INPP5B: variants seen among roughly 807,000 people sequenced by gnomAD.
INPP5B encodes inositol polyphosphate-5-phosphatase B.
In INPP5B, 90 loss-of-function variants were observed where a neutral mutation model predicts 118.5. The ratio of observed to expected loss-of-function variants is 0.76; its 90% CI spans 0.64 to 0.90. The LOEUF (loss-of-function observed/expected upper bound fraction) is 0.90, where lower values mean the gene tolerates loss of function less well. Among genes scored for constraint, INPP5B ranks in the 40% least tolerant of loss-of-function variants. The pLI, the probability that INPP5B is intolerant of heterozygous loss-of-function variation, is 0.00. For missense variants in INPP5B, 984 were observed against 1,125.6 expected (o/e 0.87, Z 1.80); for synonymous variants, 385 against 418.9 (o/e 0.92, Z 0.99).
Position 37,931,906 on chromosome 1 carries a change from T to C in INPP5B, c.532+7A>G. 6.2e-7 allele frequency: 1 copy of C among 1,613,986 alleles called. No individual in the cohort carries two copies. Among genetic ancestry groups the C allele is most frequent in the Non-Finnish European group, 8.5e-7 (1 of 1,180,036 alleles). ...TCCCCACCGTTTCTTCCGGGACGGA[T>C]ACCTGCCTCCGCCAATTGTCGCGTA... On this transcript the variant is annotated splice_region_variant and intron_variant, in intron 7 of 23. Coordinates refer to ENST00000373024, the MANE Select transcript of INPP5B (RefSeq NM_005540.3).
rs539109150 is a variant in INPP5B, at chr1:37,875,548, G to A, written c.1788+58C>T. ...CTCCCAAAGTGCTGGGATTACAGGC[G>A]TGAGCCACTGCACCCGGCCTGAGCC... On this transcript the variant is annotated intron_variant, in intron 17 of 23. Transcript: ENST00000373024. 24 of 1,342,126 alleles carry A rather than the reference G, an allele frequency of 1.8e-5. No individual in the cohort carries two copies. The Admixed American group carries it at 1.9e-4, about 11-fold the overall frequency. 83.1% of individuals were successfully genotyped at this position (1,342,126 alleles called of 1,614,324 possible). A position where few individuals can be genotyped will look rare whatever the true frequency, so the allele number is the denominator to read the frequency against.
chr1:37,880,238 G>A lies in INPP5B; in HGVS notation c.1432-44C>T, dbSNP rs755631150. ...GAAAAAAAAATATCAGAATAAAAAG[G>A]TCAAACTTTGAATTAGTGGAGAAAA... is the stretch of plus-strand genomic sequence containing the variant. On this transcript the variant is annotated intron_variant, in intron 14 of 23. Transcript: ENST00000373024. 11 of 1,428,654 alleles carry A rather than the reference G, an allele frequency of 7.7e-6. 1 individual carries two copies. The South Asian group carries it at 1.3e-4, about 17-fold the overall frequency. 88.5% of individuals were successfully genotyped at this position (1,428,654 alleles called of 1,614,324 possible). A position where few individuals can be genotyped will look rare whatever the true frequency, so the allele number is the denominator to read the frequency against.
intron 7 of INPP5B, among the ~76,000 whole-genome samples, chr1:37,899,409 C>T (rs1644246642): frequency 6.6e-6 from 1 of 150,876 alleles, no homozygotes; most frequent in Non-Finnish European, 1.5e-5. Flanking sequence ...ACTTAAAATA[C>T]AAAATAGCCA....
rs757917377 is a variant in INPP5B at position 37,887,424 on chromosome 1, TGAAA to T, written c.937_940del (p.Phe313ThrfsTer26). 6.2e-7 allele frequency: 1 copy of T among 1,613,272 alleles called. No individual in the cohort carries two copies. The highest frequency in any genetic ancestry group is 1.7e-4 in the Middle Eastern group (1 of 6,060). ...CCACTCTTCCTCCTTTGGGGTATCG[TGAAA>T]GAAAAAAGCTTCCTTACTCAGATCA... On this transcript the variant is annotated frameshift_variant, in exon 11 of 24. Coordinates refer to ENST00000373024, the MANE Select transcript of INPP5B (RefSeq NM_005540.3). LOFTEE classifies it high-confidence loss of function.
chr1:37,894,882 C>G (rs373105402), intron 7 of INPP5B, among the ~76,000 whole-genome samples: 2 of 152,298 alleles, frequency 1.3e-5, no homozygotes, highest in Admixed American at 1.3e-4. Context: ...CATCCAAGTT[C>G]AAGTCTGTAG....
rs373428823 is a variant in INPP5B at position 37,874,101 on chromosome 1, G to A, written c.1843C>T (p.His615Tyr). ...AAATGACAGGGTACTTGTCCATTAT[G>A]AATTGTAAAGGATTCTACTTTCAAT... The part of the protein sequence containing the change: ...MQLKVESFTI[H>Y]NGQVPCHFEF... The change falls in exon 18 of 24, where the codon CAT (histidine) becomes TAT (tyrosine). Residue 615 changes from histidine (H) to tyrosine (Y), a missense_variant. This residue lies in a region of INPP5B where 634 missense variants were observed against 791.0 expected (regional missense o/e 0.80). Coordinates refer to ENST00000373024, the MANE Select transcript of INPP5B (RefSeq NM_005540.3). 5.3e-5 allele frequency: 85 copies of A among 1,602,906 alleles called. No individual in the cohort carries two copies. Among genetic ancestry groups the A allele is most frequent in the Admixed American group, 3.3e-4 (20 of 59,818 alleles).
chr1:37,882,993 A>C (rs1358369917), intron 13 of INPP5B, 75 bp from the exon 14 acceptor site: 9 of 1,569,892 alleles, frequency 5.7e-6, no homozygotes. Context: ...GCTTCTGACA[A>C]AGGCCCCTGA....
chr1:37,864,478 G>T, intron 22 of INPP5B, 55 bp from the exon 23 acceptor site: 1 of 1,034,908 alleles, frequency 9.7e-7, no homozygotes, highest in Non-Finnish European at 1.5e-6. Flanking sequence ...TTTCTCAAGT[G>T]CCTACTATAG....
At position 37,907,800 on chromosome 1, in the gene INPP5B, G is replaced by A. The variant is rs940464513; in HGVS notation, c.533-16346C>T. 5.9e-5 allele frequency among the ~76,000 whole-genome samples: 9 copies of A among 152,136 alleles called. No homozygotes were observed. Among genetic ancestry groups the A allele is most frequent in the African/African-American group, 1.9e-4 (8 of 41,438 alleles). On this transcript the variant is annotated intron_variant, in intron 7 of 23. Coordinates refer to ENST00000373024, the MANE Select transcript of INPP5B (RefSeq NM_005540.3). The surrounding 1 kb of genome is among the most constrained non-coding windows in gnomAD (Gnocchi z 4.3). ...GTTACCCTATATGGTCTAAAAAGGG[G>A]AGGCATGAATAATCTGTCAGGCCTC... is the stretch of plus-strand genomic sequence containing the variant.
intron 7 of INPP5B, chr1:37,930,492 A>G (rs1450199107): frequency 2.0e-5 from 3 of 152,284 alleles, no homozygotes; most frequent in Non-Finnish European, 4.4e-5. Context: ...TCCTCCGCCA[A>G]TTGTCTGGAT....
At chr1:37,944,162 G>A (rs932130023) in intron 3 of INPP5B, among the ~76,000 whole-genome samples, 1 of 152,124 alleles carries the variant, frequency 6.6e-6, no homozygotes, top group African/African-American at 2.4e-5. Context: ...TCTAACCATG[G>A]TGCATTCTAG....
chr1:37,916,695 C>T (rs1379698154), intron 7 of INPP5B, among the ~76,000 whole-genome samples: 1 of 152,102 alleles, frequency 6.6e-6, no homozygotes, highest in Non-Finnish European at 1.5e-5. Flanking sequence ...GGATTACAGG[C>T]GTGAACCACT....
At chr1:37,892,540 G>A (rs1006837006) in intron 7 of INPP5B, among the ~76,000 whole-genome samples, 1 of 152,144 alleles carries the variant, frequency 6.6e-6, no homozygotes, top group African/African-American at 2.4e-5. Flanking sequence ...CCCAAGTTAT[G>A]GGAAGGAGCT....
chr1:37,940,575 G>A (rs993853536), intron 6 of INPP5B, 113 bp downstream of exon 6: 12 of 651,954 alleles, frequency 1.8e-5, no homozygotes, highest in Middle Eastern at 2.8e-4. Flanking sequence ...CAGCAGCTTC[G>A]AAAGGACACA....
intron 16 of INPP5B, 25 bp from the exon 17 acceptor site, chr1:37,875,741 A>G: frequency 6.4e-7 from 1 of 1,563,918 alleles, no homozygotes; most frequent in Non-Finnish European, 8.8e-7. Context: ...TCAGAGACTG[A>G]GTACCTTGGC....
intron 19 of INPP5B, chr1:37,870,065 C>T (rs1445933128): frequency 1.3e-5 from 2 of 150,936 alleles, no homozygotes; most frequent in Admixed American, 6.6e-5. Flanking sequence ...ATTGACCTAC[C>T]GATGATGATT....
At position 37,889,653 on chromosome 1, in the gene INPP5B, T is replaced by C. The variant is rs747202207; in HGVS notation, c.701A>G (p.His234Arg). 28 of 1,613,820 alleles carry C rather than the reference T, an allele frequency of 1.7e-5. No individual in the cohort carries two copies. Among genetic ancestry groups the C allele is most frequent in the Admixed American group, 6.7e-5 (4 of 59,998 alleles). Residue 234 changes from histidine to arginine, a missense_variant, in exon 9 of 24, where the codon CAT becomes CGT. Transcript: ENST00000373024. ...SSTITVSDKAHILSMQKFGLR... is the reference protein window; with the variant it reads ...SSTITVSDKARILSMQKFGLR... ...TCCAAACTTCTGCATGGATAAAATATGAGCCTTGTCCGACACTGTGATAGT... is the reference window on the plus strand; with the variant it reads ...TCCAAACTTCTGCATGGATAAAATACGAGCCTTGTCCGACACTGTGATAGT...
chr1:37,932,155 A>T (rs899272867), intron 6 of INPP5B, 102 bp from the exon 7 acceptor site: 1 of 960,072 alleles, frequency 1.0e-6, no homozygotes, highest in Non-Finnish European at 1.4e-6. Context: ...TCTCCCGCGC[A>T]CAGAAGGGTT....
At position 37,862,298 on chromosome 1, in the gene INPP5B, T is replaced by C; in HGVS notation, c.*17A>G. ...TGGTAATTGGCAGCCTCAAGTAAAA[T>C]AGGAGGAGAGAGAGGCTCAGAGTGG... On this transcript the variant is annotated 3_prime_UTR_variant, in exon 24 of 24. Transcript: ENST00000373024. 4.5e-6 allele frequency: 7 copies of C among 1,543,304 alleles called. No individual in the cohort carries two copies. Among genetic ancestry groups the C allele is most frequent in the South Asian group, 1.1e-5 (1 of 89,422 alleles).
Sources: gnomAD v4.1 joint callset for allele counts (sites outside exome capture counted in the v4.1 genomes callset) on GRCh38, gnomAD v4.1.1 for gene constraint, gnomAD v4.1.1 regional missense constraint, Gnocchi (gnomAD v3.1) non-coding constraint, MANE v1.5 for transcripts, NCBI Gene and HGNC (gene_info 2026-07-23, HGNC 2026-07-21) for gene names.